USP7: variants seen among roughly 807,000 people sequenced by gnomAD.
The protein encoded by USP7 is ubiquitin specific peptidase 7.
A neutral mutation model predicts 162.9 loss-of-function variants in USP7; 9 were observed. The observed-to-expected ratio is 0.06, with a 90% CI of 0.03 to 0.10. USP7 has a LOEUF of 0.10. Ranked by LOEUF, USP7 falls within the 10% of genes least tolerant of loss-of-function variation. The pLI, the probability that USP7 is intolerant of heterozygous loss-of-function variation, is 1.00. For synonymous variants in USP7, 562 were observed against 475.9 expected, an observed-to-expected ratio of 1.18 and a Z score of -2.35; for missense variants, 715 against 1,373.7, an observed-to-expected ratio of 0.52 and a Z score of 7.58.
chr16:8,949,385 T>C (rs533186734), intron 1 of USP7, among the ~76,000 whole-genome samples: 1 of 152,320 alleles, frequency 6.6e-6, no homozygotes, highest in Admixed American at 6.5e-5. Flanking sequence ...GTTCGAGGCA[T>C]TGAAAATGCC....
rs149269124 is a variant in USP7 at position 8,895,983 on chromosome 16, C to T, written c.2820-242G>A. On this transcript the variant is annotated intron_variant, in intron 26 of 30. Coordinates refer to ENST00000344836, the MANE Select transcript of USP7 (RefSeq NM_003470.3). ...TCCCGAGTAGTTGGGACTACAGGTGCGTGCCACCACACTGGGCTGATTTTT... is the reference window on the plus strand; with the variant it reads ...TCCCGAGTAGTTGGGACTACAGGTGTGTGCCACCACACTGGGCTGATTTTT... Among the ~76,000 whole-genome samples the T allele has an allele frequency of 5.5e-3, 838 of 151,958 alleles. 10 individuals carry two copies. The highest frequency in any genetic ancestry group is 0.019 in the African/African-American group (782 of 41,466).
At chr16:8,897,762 G>T (rs1209330714) in intron 25 of USP7, among the ~76,000 whole-genome samples, 3 of 123,162 alleles carry the variant, frequency 2.4e-5, no homozygotes, top group Non-Finnish European at 4.9e-5. Context: ...AGTTGGGCGT[G>T]GTGACATACA....
intron 6 of USP7, among the ~76,000 whole-genome samples, chr16:8,918,361 G>T (rs1897494293): frequency 6.6e-6 from 1 of 152,122 alleles, no homozygotes; most frequent in Non-Finnish European, 1.5e-5. Flanking sequence ...TTTAATGTAT[G>T]TCTATTCTTT....
chr16:8,928,375 G>A (rs1319962080), intron 2 of USP7, among the ~76,000 whole-genome samples: 1 of 152,168 alleles, frequency 6.6e-6, no homozygotes, highest in Admixed American at 6.5e-5. Flanking sequence ...GAGTCTTAGG[G>A]AATCATTAAC....
chr16:8,946,462 T>A (rs2248797), intron 1 of USP7, among the ~76,000 whole-genome samples: 1 of 152,040 alleles, frequency 6.6e-6, no homozygotes. Context: ...GAAAGACTTA[T>A]GCTCCAGAAA....
chr16:8,954,748 G>A (rs973630782), intron 1 of USP7, among the ~76,000 whole-genome samples: 3 of 151,978 alleles, frequency 2.0e-5, no homozygotes, highest in African/African-American at 7.3e-5. Context: ...GGTCTGAGGT[G>A]GGTGGATCAG....
intron 6 of USP7, among the ~76,000 whole-genome samples, chr16:8,918,728 G>C (rs1162704842): frequency 6.6e-6 from 1 of 152,190 alleles, no homozygotes; most frequent in East Asian, 1.9e-4. Context: ...AGAATCACTT[G>C]AACCCAGGAG....
chr16:8,894,444 G>C (rs1057279440), intron 30 of USP7, 106 bp downstream of exon 30: 16 of 1,127,544 alleles, frequency 1.4e-5, no homozygotes, highest in Admixed American at 7.7e-5. Flanking sequence ...GGCCAGTGGA[G>C]AGAGAGGAGC....
chr16:8,894,452 A>G, intron 30 of USP7, 98 bp downstream of exon 30: 5 of 1,205,728 alleles, frequency 4.1e-6, no homozygotes, highest in Non-Finnish European at 4.7e-6. Context: ...GAGAGAGAGG[A>G]GCTGGCACTT....
intron 1 of USP7, among the ~76,000 whole-genome samples, chr16:8,938,479 G>A (rs1268097971): frequency 3.3e-5 from 5 of 152,124 alleles, no homozygotes; most frequent in African/African-American, 1.2e-4. Flanking sequence ...GTAGGAGGCC[G>A]AGGCAGGTGG....
intron 1 of USP7, among the ~76,000 whole-genome samples, chr16:8,930,924 A>G (rs1267539040): frequency 6.6e-6 from 1 of 151,508 alleles, no homozygotes; most frequent in Admixed American, 6.6e-5. Context: ...AGCCAAGATC[A>G]TGCCACTGCA....
intron 10 of USP7, among the ~76,000 whole-genome samples, chr16:8,913,745 CTT>C (rs1220730459): frequency 6.6e-6 from 1 of 152,032 alleles, no homozygotes; most frequent in East Asian, 1.9e-4. Flanking sequence ...CCTCCTCACT[CTT>C]TTTATTTTAT....
Position 8,903,294 on chromosome 16 carries a change from A to C in USP7, c.1813T>G (p.Phe605Val). 2 of 1,613,946 alleles carry C rather than the reference A, an allele frequency of 1.2e-6. No individual in the cohort carries two copies. Among genetic ancestry groups the C allele is most frequent in the Non-Finnish European group, 1.7e-6 (2 of 1,179,932 alleles). The change falls in exon 16 of 31, where the codon TTT becomes GTT. Residue 605 changes from phenylalanine (F) to valine (V), a missense_variant. This residue lies in a region of USP7 where 197 missense variants were observed against 306.5 expected (regional missense o/e 0.64). Coordinates refer to ENST00000344836, the MANE Select transcript of USP7 (RefSeq NM_003470.3). ...ATGGTCTGAGAGAGGCTCTGAACAA[A>C]CTCAGCAAGCGAGGAGTTCTTCAAT... ...KVLKNSSLAE[F>V]VQSLSQTMGF... is the part of the protein sequence containing the mutation.
intron 10 of USP7, among the ~76,000 whole-genome samples, chr16:8,913,388 A>T (rs1478301550): frequency 6.6e-6 from 1 of 152,006 alleles, no homozygotes; most frequent in Admixed American, 6.6e-5. Context: ...GACAGGAGAG[A>T]AGAGAAGTGA....
chr16:8,960,154 C>A (rs570323375), intron 1 of USP7, among the ~76,000 whole-genome samples: 2 of 152,294 alleles, frequency 1.3e-5, no homozygotes, highest in Admixed American at 1.3e-4. Flanking sequence ...AATACACTGC[C>A]AAGCAACCTT....
chr16:8,903,444 A>T, intron 15 of USP7, 42 bp from the exon 16 acceptor site: 6 of 1,597,274 alleles, frequency 3.8e-6, no homozygotes, highest in Non-Finnish European at 5.1e-6. Context: ...TTGACAACTG[A>T]CAAAAAATGA....
intron 18 of USP7, 68 bp from the exon 19 acceptor site, chr16:8,901,302 A>C: frequency 9.2e-7 from 1 of 1,081,370 alleles, no homozygotes; most frequent in Non-Finnish European, 1.3e-6. Flanking sequence ...AAACAAAAAA[A>C]CAAACAAACA....
At chr16:8,926,965 A>T (rs1749834006) in intron 2 of USP7, among the ~76,000 whole-genome samples, 1 of 152,194 alleles carries the variant, frequency 6.6e-6, no homozygotes, top group Admixed American at 6.5e-5. Context: ...ACTTTGTTAC[A>T]GCAATTTTAT....
intron 1 of USP7, among the ~76,000 whole-genome samples, chr16:8,934,009 G>A (rs933425306): frequency 2.6e-5 from 4 of 151,972 alleles, no homozygotes; most frequent in Non-Finnish European, 4.4e-5. Flanking sequence ...TGCCAGTCTT[G>A]GCCTCCCAAA....
Sources: gnomAD v4.1 joint callset for allele counts (sites outside exome capture counted in the v4.1 genomes callset) on GRCh38, gnomAD v4.1.1 for gene constraint, gnomAD v4.1.1 regional missense constraint, MANE v1.5 for transcripts, NCBI Gene and HGNC (gene_info 2026-07-23, HGNC 2026-07-21) for gene names.